MGAT4C: variants seen among roughly 807,000 people sequenced by gnomAD.
The protein encoded by MGAT4C is alpha-1,3-mannosyl-glycoprotein 4-beta-N-acetylglucosaminyltransferase C.
A neutral mutation model predicts 40.1 loss-of-function variants in MGAT4C; 19 were observed. The observed-to-expected ratio is 0.47, with a 90% CI of 0.33 to 0.70. MGAT4C has a LOEUF of 0.70. MGAT4C is among the 30% of genes least tolerant of loss of function. The pLI is 0.02. For synonymous variants in MGAT4C, 181 were observed against 187.1 expected (o/e 0.97, Z 0.27); for missense variants, 491 against 563.2 (o/e 0.87, Z 1.30).
At chr12:86,793,990 G>A (rs1200628571) in intron 1 of MGAT4C, among the ~76,000 whole-genome samples, 1 of 151,902 alleles carries the variant, frequency 6.6e-6, no homozygotes, top group Non-Finnish European at 1.5e-5. Flanking sequence ...ATGCATGAAT[G>A]TTTGGGTTAA....
intron 2 of MGAT4C, among the ~76,000 whole-genome samples, chr12:86,481,479 C>T (rs372671131): frequency 1.3e-3 from 193 of 151,986 alleles, no homozygotes; most frequent in Middle Eastern, 3.4e-3. Context: ...ATTTCCATTT[C>T]CAGAATTTAT....
Position 86,774,281 on chromosome 12 carries a change from C to CTTTT in MGAT4C, c.-261-47041_-261-47040insAAAA, listed in dbSNP as rs1951692302. Among the ~76,000 whole-genome samples, 163 of 58,960 alleles carry CTTTT rather than the reference C, an allele frequency of 2.8e-3. 2 individuals carry two copies. Among genetic ancestry groups the CTTTT allele is most frequent in the Middle Eastern group, 0.024 (3 of 124 alleles). The allele number at this position is 58,960 out of a possible 152,430, so 38.7% of individuals were successfully genotyped here. On this transcript the variant is annotated intron_variant, in intron 1 of 7. Transcript: ENST00000548651. Reference sequence around the variant, plus strand: ...CTTAAAAAGTAACTTCTAAGGCTTGCTCTTTCTTTCTTTCTTTCTTTCTTT... The same window carrying CTTTT: ...CTTAAAAAGTAACTTCTAAGGCTTGCTTTTTCTTTCTTTCTTTCTTTCTTTCTTT...
chr12:86,648,112 A>C (rs1963594596), intron 2 of MGAT4C, among the ~76,000 whole-genome samples: 1 of 151,920 alleles, frequency 6.6e-6, no homozygotes, highest in South Asian at 2.1e-4. Flanking sequence ...GAACACAAGA[A>C]GGTTCAATCT....
chr12:86,193,080 C>T (rs1270375617), intron 1 of MGAT4C, among the ~76,000 whole-genome samples: 2 of 151,838 alleles, frequency 1.3e-5, no homozygotes, highest in African/African-American at 4.8e-5. Context: ...TTATTTTAAA[C>T]TTCAACTTTT....
In MGAT4C at chr12:85,975,114, T is replaced by G. The variant is rs1883878376; in HGVS notation, c.*4175A>C. On this transcript the variant is annotated 3_prime_UTR_variant, in exon 5 of 5. Coordinates refer to ENST00000611864, the MANE Select transcript of MGAT4C (RefSeq NM_001351288.2). ...TGTGATGAGAGCACTAGGGGCAATTTTGATATTTTTGATAAGGTTTCTAGA... is the reference window on the plus strand; with the variant it reads ...TGTGATGAGAGCACTAGGGGCAATTGTGATATTTTTGATAAGGTTTCTAGA... The G allele has an allele frequency of 6.6e-6, 1 of 150,876 alleles. No individual in the cohort carries two copies. Among genetic ancestry groups the G allele is most frequent in the Non-Finnish European group, 1.5e-5 (1 of 67,118 alleles). The allele number at this position is 150,876 out of a possible 1,614,324, so 9.3% of individuals were successfully genotyped here. A position where few individuals can be genotyped will look rare whatever the true frequency, so the allele number is the denominator to read the frequency against.
chr12:86,065,269 T>C (rs901232572), intron 1 of MGAT4C, among the ~76,000 whole-genome samples: 2 of 152,076 alleles, frequency 1.3e-5, no homozygotes, highest in African/African-American at 4.8e-5. Context: ...TAACGAAAAT[T>C]TCAGGCCAAT....
At chr12:86,200,127 G>GTTTTTTTTTTTTTTTTTTTTTTTTT (rs56844963) in intron 1 of MGAT4C, among the ~76,000 whole-genome samples, 6 of 102,346 alleles carry the variant, frequency 5.9e-5, no homozygotes, top group East Asian at 3.1e-4. Context: ...GTATGTATTT[G>GTTTTTTTTTTTTTTTTTTTTTTTTT]TTTTTTTTTT....
intron 3 of MGAT4C, among the ~76,000 whole-genome samples, chr12:86,347,441 T>G (rs1955063377): frequency 6.6e-6 from 1 of 152,136 alleles, no homozygotes; most frequent in African/African-American, 2.4e-5. Context: ...ATATTAAGTA[T>G]AAAAAAATAC....
Position 86,756,546 on chromosome 12 carries a change from T to C in MGAT4C, c.-261-29305A>G, listed in dbSNP as rs570381616. On this transcript the variant is annotated intron_variant, in intron 1 of 7. Coordinates refer to the MGAT4C transcript ENST00000548651. ...ATAGTCTTGCATATTTTGTCTCATT[T>C]GATTTTAACGGCCACTCTATCAAGT... Among the ~76,000 whole-genome samples, 446 of 152,300 alleles carry C rather than the reference T, an allele frequency of 2.9e-3. 2 individuals are homozygous for C. Among genetic ancestry groups the C allele is most frequent in the Non-Finnish European group, 4.9e-3 (332 of 68,024 alleles).
intron 2 of MGAT4C, among the ~76,000 whole-genome samples, chr12:86,041,993 G>A (rs770335747): frequency 6.6e-6 from 1 of 152,166 alleles, no homozygotes; most frequent in African/African-American, 2.4e-5. Context: ...ATCTGAGTGT[G>A]CCTGTGTTGG....
intron 2 of MGAT4C, among the ~76,000 whole-genome samples, chr12:86,574,007 C>T (rs934724121): frequency 1.1e-4 from 16 of 151,580 alleles, no homozygotes; most frequent in East Asian, 1.9e-4. Context: ...ACACAAGGTA[C>T]GTTGAATAAT....
In MGAT4C at chr12:86,222,836, A is replaced by G. The variant is rs944054841; in HGVS notation, c.-57+33403T>C. Among the ~76,000 whole-genome samples, 12 of 152,330 alleles carry G rather than the reference A, an allele frequency of 7.9e-5. No homozygotes were observed. The East Asian group carries it at 1.3e-3, about 17-fold the overall frequency. On this transcript the variant is annotated intron_variant, in intron 1 of 4. Coordinates refer to ENST00000611864, the MANE Select transcript of MGAT4C (RefSeq NM_001351288.2). ...TTAAATAAGCAAGAGAGAGAAGAGA[A>G]GCAAGTCGATTGGCAGGAATTGTCT...
At chr12:86,119,295 A>G (rs1037640574) in intron 1 of MGAT4C, among the ~76,000 whole-genome samples, 6 of 152,270 alleles carry the variant, frequency 3.9e-5, no homozygotes, top group Admixed American at 2.6e-4. Context: ...CAAAATTCCT[A>G]AGAAGATAAG....
intron 1 of MGAT4C, among the ~76,000 whole-genome samples, chr12:86,145,150 A>G (rs1158156209): frequency 6.6e-6 from 1 of 152,210 alleles, no homozygotes; most frequent in African/African-American, 2.4e-5. Context: ...ATAGATCTCT[A>G]AAACTTATAT....
At chr12:86,441,089 A>T (rs1957218698) in intron 2 of MGAT4C, among the ~76,000 whole-genome samples, 1 of 152,134 alleles carries the variant, frequency 6.6e-6, no homozygotes, top group Non-Finnish European at 1.5e-5. Context: ...TACCAGCATC[A>T]TTTTTCACAT....
chr12:86,519,289 T>C (rs949054575), intron 2 of MGAT4C, among the ~76,000 whole-genome samples: 1 of 152,240 alleles, frequency 6.6e-6, no homozygotes, highest in Non-Finnish European at 1.5e-5. Context: ...ATACATTTTC[T>C]TTTTCAGTGT....
chr12:86,173,072 C>T (rs527592054), intron 1 of MGAT4C, among the ~76,000 whole-genome samples: 12 of 152,198 alleles, frequency 7.9e-5, no homozygotes, highest in Non-Finnish European at 1.8e-4. Context: ...CAAGCATTAA[C>T]GTTCTGCAAG....
chr12:86,456,066 A>G (rs1025427321), intron 2 of MGAT4C, among the ~76,000 whole-genome samples: 1 of 152,160 alleles, frequency 6.6e-6, no homozygotes, highest in African/African-American at 2.4e-5. Flanking sequence ...GTGTTTTAAT[A>G]TATCCTTCCT....
intron 1 of MGAT4C, among the ~76,000 whole-genome samples, chr12:86,243,066 A>G (rs527740177): frequency 4.5e-4 from 68 of 152,282 alleles, no homozygotes; most frequent in Non-Finnish European, 6.0e-4. Context: ...TACTCTTTCC[A>G]AATTGTCTAA....
Sources: gnomAD v4.1 joint callset for allele counts (sites outside exome capture counted in the v4.1 genomes callset) on GRCh38, gnomAD v4.1.1 for gene constraint, MANE v1.5 for transcripts, NCBI Gene and HGNC (gene_info 2026-07-23, HGNC 2026-07-21) for gene names.